Variants in TMEM132B observed in about 807,000 individuals in gnomAD.
TMEM132B encodes the protein transmembrane protein 132B.
A neutral mutation model predicts 90.8 loss-of-function variants in TMEM132B; 18 were observed. The ratio of observed to expected loss-of-function variants is 0.20; its 90% CI spans 0.14 to 0.29. TMEM132B has a LOEUF of 0.29. Among genes scored for constraint, TMEM132B ranks in the 10% least tolerant of loss-of-function variants. TMEM132B has a pLI of 1.00. For synonymous variants in TMEM132B, 504 were observed against 523.3 expected (o/e 0.96, Z 0.50); for missense variants, 1,096 against 1,326.8 (o/e 0.83, Z 2.70).
intron 5 of TMEM132B, among the ~76,000 whole-genome samples, chr12:125,595,871 CT>C (rs35903934): frequency 5.4e-4 from 79 of 146,022 alleles, no homozygotes; most frequent in East Asian, 6.0e-4. Flanking sequence ...CTCAGGGCGG[CT>C]TTTTTTTTTT....
At chr12:125,564,304 T>C (rs114585079) in intron 4 of TMEM132B, among the ~76,000 whole-genome samples, 53 of 152,340 alleles carry the variant, frequency 3.5e-4, no homozygotes, top group African/African-American at 1.1e-3. Flanking sequence ...ATCACACGGA[T>C]TGGAAGAATG....
intron 3 of TMEM132B, among the ~76,000 whole-genome samples, chr12:125,443,100 T>A (rs530679938): frequency 1.3e-5 from 2 of 152,180 alleles, no homozygotes; most frequent in South Asian, 4.2e-4. Context: ...GAGCACAGAG[T>A]CTCTGAGCAG....
intron 5 of TMEM132B, among the ~76,000 whole-genome samples, chr12:125,619,762 C>T (rs149360816): frequency 1.3e-3 from 198 of 152,266 alleles, no homozygotes; most frequent in Admixed American, 0.011. Context: ...CAGGGGGATC[C>T]ATATCCTTAA....
chr12:125,226,289 C>T (rs2136078377), intron 1 of TMEM132B, among the ~76,000 whole-genome samples: 1 of 152,326 alleles, frequency 6.6e-6, no homozygotes, highest in Middle Eastern at 3.4e-3. Context: ...CCAGCTCCAC[C>T]TTGGCCCTGC....
intron 1 of TMEM132B, among the ~76,000 whole-genome samples, chr12:125,216,934 G>A (rs1160780099): frequency 1.3e-5 from 2 of 152,204 alleles, no homozygotes; most frequent in African/African-American, 4.8e-5. Context: ...CACTGGCTGC[G>A]ATCTTGGCGC....
At chr12:125,190,646 GTGGCGA>G (rs1449277461) in intron 1 of TMEM132B, among the ~76,000 whole-genome samples, 3 of 67,942 alleles carry the variant, frequency 4.4e-5, no homozygotes, top group Non-Finnish European at 6.0e-5. Context: ...TGGGGAAGGG[GTGGCGA>G]TGGTGATGGG....
intron 2 of TMEM132B, among the ~76,000 whole-genome samples, chr12:125,405,474 G>A (rs901356708): frequency 5.3e-5 from 8 of 152,092 alleles, no homozygotes. Context: ...ATCCCTGGGG[G>A]ACACTATTCA....
chr12:125,341,825 C>A (rs1877188483), intron 1 of TMEM132B, among the ~76,000 whole-genome samples: 1 of 152,252 alleles, frequency 6.6e-6, no homozygotes. Flanking sequence ...TTAGAGAATA[C>A]AGAGGTAGTT....
In TMEM132B at chr12:125,616,723, T is replaced by A. The variant is rs1593024381; in HGVS notation, c.1438-27353T>A. Among the ~76,000 whole-genome samples, 4 of 152,200 alleles carry A rather than the reference T, an allele frequency of 2.6e-5. No individual in the cohort carries two copies. In the South Asian group the frequency reaches 8.3e-4, roughly 32 times the overall value. ...ACACTTTTCTGTTATGAACTTAATT[T>A]TGTGTTCCCCCACCCAATTCATGTG... is the stretch of plus-strand genomic sequence containing the variant. On this transcript the variant is annotated intron_variant, in intron 5 of 8. Coordinates refer to ENST00000682704, the MANE Select transcript of TMEM132B (RefSeq NM_001366854.1).
chr12:125,517,772 A>G (rs556399241), intron 3 of TMEM132B, among the ~76,000 whole-genome samples: 211 of 152,146 alleles, frequency 1.4e-3, no homozygotes, highest in Non-Finnish European at 2.6e-3. Flanking sequence ...ATTGTTATTC[A>G]CTCATTTTTC....
intron 2 of TMEM132B, among the ~76,000 whole-genome samples, chr12:125,390,343 C>T (rs1393810299): frequency 2.6e-5 from 4 of 152,222 alleles, no homozygotes; most frequent in African/African-American, 7.2e-5. Context: ...GTAAACTTAA[C>T]GTTGATCCAT....
At chr12:125,439,869 G>A (rs531422758) in intron 3 of TMEM132B, among the ~76,000 whole-genome samples, 2 of 152,222 alleles carry the variant, frequency 1.3e-5, no homozygotes, top group East Asian at 1.9e-4. Flanking sequence ...TGACAGTTTT[G>A]AGCATGAATG....
intron 1 of TMEM132B, among the ~76,000 whole-genome samples, chr12:125,295,500 C>CTGTGTGTGTGTG (rs149003076): frequency 1.4e-3 from 194 of 143,502 alleles, no homozygotes; most frequent in Middle Eastern, 3.6e-3. Context: ...TCCATGAAAC[C>CTGTGTGTGTGTG]TGTGTGTGTG....
chr12:125,409,562 G>GGAGTGGAGT (rs1238961914), intron 2 of TMEM132B, among the ~76,000 whole-genome samples: 2 of 150,394 alleles, frequency 1.3e-5, no homozygotes, highest in African/African-American at 5.0e-5. Flanking sequence ...TGTGGACAGT[G>GGAGTGGAGT]GAGTGGAGTG....
intron 4 of TMEM132B, among the ~76,000 whole-genome samples, chr12:125,575,138 A>T (rs181039542): frequency 1.4e-4 from 20 of 139,172 alleles, no homozygotes; most frequent in African/African-American, 5.2e-4. Flanking sequence ...CTTTTGAGGA[A>T]GCACCAAACT....
chr12:125,449,556 G>T (rs1881095468), intron 3 of TMEM132B, among the ~76,000 whole-genome samples: 1 of 151,238 alleles, frequency 6.6e-6, no homozygotes, highest in Non-Finnish European at 1.5e-5. Context: ...TTTCTCTATT[G>T]TCTATTTTCC....
At chr12:125,505,161 G>C (rs1882804204) in intron 3 of TMEM132B, among the ~76,000 whole-genome samples, 1 of 29,696 alleles carries the variant, frequency 3.4e-5, no homozygotes, top group Admixed American at 4.5e-4. Context: ...TCACACACCA[G>C]AGGACAAAAA....
chr12:125,194,409 A>G (rs143623582), intron 1 of TMEM132B, among the ~76,000 whole-genome samples: 32 of 152,270 alleles, frequency 2.1e-4, no homozygotes, highest in African/African-American at 7.5e-4. Context: ...ACATCACAGC[A>G]AATGGACACA....
intron 2 of TMEM132B, among the ~76,000 whole-genome samples, chr12:125,385,696 G>A (rs1878810060): frequency 6.6e-6 from 1 of 152,162 alleles, no homozygotes; most frequent in Non-Finnish European, 1.5e-5. Flanking sequence ...ATAATCAATT[G>A]ATCTAAACAA....
Sources: gnomAD v4.1 joint callset for allele counts (sites outside exome capture counted in the v4.1 genomes callset) on GRCh38, gnomAD v4.1.1 for gene constraint, MANE v1.5 for transcripts, NCBI Gene and HGNC (gene_info 2026-07-23, HGNC 2026-07-21) for gene names.